Variants in CDK13 observed in about 807,000 individuals in gnomAD.
CDK13 encodes cyclin-dependent kinase 13.
Under a neutral mutation model 137.6 loss-of-function variants are expected in CDK13, and 40 were observed. The observed-to-expected ratio is 0.29, with a 90% CI of 0.23 to 0.38. The LOEUF is 0.38. CDK13 is among the 10% of genes least tolerant of loss of function. The probability of loss-of-function intolerance (pLI) is 1.00; values close to 1 mark genes in which losing one functional copy is unlikely to be tolerated. For synonymous variants in CDK13, 869 were observed against 760.1 expected, an observed-to-expected ratio of 1.14 and a Z score of -2.36; for missense variants, 1,704 against 1,951.8, an observed-to-expected ratio of 0.87 and a Z score of 2.39.
chr7:40,007,617 G>A (rs1207383314), intron 5 of CDK13, among the ~76,000 whole-genome samples: 8 of 151,968 alleles, frequency 5.3e-5, no homozygotes, highest in Admixed American at 1.3e-4. Context: ...TAGTAGAGAC[G>A]GGGTTTCACC....
rs1786586610 is a variant in CDK13, at chr7:40,078,106, G to A, written c.2882G>A (p.Arg961Lys). 6.3e-7 allele frequency: 1 copy of A among 1,574,898 alleles called. No homozygotes were observed. Among genetic ancestry groups the A allele is most frequent in the Non-Finnish European group, 8.6e-7 (1 of 1,157,674 alleles). Reference protein sequence around the residue: ...KPKKQYRRKLREEFVFIPAAA... With the variant: ...KPKKQYRRKLKEEFVFIPAAA... ...AAGAAGCAATATCGTCGAAAGTTAAGAGAAGAATTTGTTTTGTAAGAAGGG... is the reference window on the plus strand; with the variant it reads ...AAGAAGCAATATCGTCGAAAGTTAAAAGAAGAATTTGTTTTGTAAGAAGGG... The change falls in exon 10 of 14, where the codon AGA (arginine) becomes AAA (lysine). Residue 961 changes from arginine (R) to lysine (K), a missense_variant. Physicochemically the swap from Arg to Lys is conservative, Grantham distance 26 (BLOSUM62 2). This residue lies in a region of CDK13 where 130 missense variants were observed against 362.4 expected (regional missense o/e 0.36). Coordinates refer to ENST00000181839, the MANE Select transcript of CDK13 (RefSeq NM_003718.5).
intron 11 of CDK13, among the ~76,000 whole-genome samples, chr7:40,086,905 TG>T (rs1786799872): frequency 1.3e-5 from 2 of 150,218 alleles, no homozygotes; most frequent in Admixed American, 6.7e-5. Context: ...CTCTGCCTCC[TG>T]GGCTGAAGCC....
At chr7:39,980,129 AGGGTATG>A (rs1784194017) in intron 1 of CDK13, among the ~76,000 whole-genome samples, 1 of 152,228 alleles carries the variant, frequency 6.6e-6, no homozygotes, top group South Asian at 2.1e-4. Flanking sequence ...ACACATTCAG[AGGGTATG>A]GATATAAGGG....
At chr7:40,020,898 C>T (rs1475890248) in intron 5 of CDK13, among the ~76,000 whole-genome samples, 1 of 151,336 alleles carries the variant, frequency 6.6e-6, no homozygotes, top group Non-Finnish European at 1.5e-5. Context: ...GGAGACCATC[C>T]TGGCCAACAT....
chr7:39,964,780 T>C (rs1783830505), intron 1 of CDK13, among the ~76,000 whole-genome samples: 1 of 152,224 alleles, frequency 6.6e-6, no homozygotes, highest in South Asian at 2.1e-4. Context: ...AATTTCCCTC[T>C]ACACACTGCT....
rs368010559 is a variant in CDK13 at position 40,000,763 on chromosome 7, G to A, written c.2183-1098G>A. On this transcript the variant is annotated intron_variant, in intron 4 of 13. Coordinates refer to ENST00000181839, the MANE Select transcript of CDK13 (RefSeq NM_003718.5). ...AGAAGGCATTCCATAAAAATTAATA[G>A]AATAAGTTTAATGATTAAAAGAATA... Among the ~76,000 whole-genome samples the A allele has an allele frequency of 3.9e-4, 59 of 152,272 alleles. 1 individual carries two copies. The South Asian group carries it at 0.012, about 30-fold the overall frequency.
chr7:40,066,414 A>C (rs1407072420), intron 9 of CDK13, among the ~76,000 whole-genome samples: 1 of 152,214 alleles, frequency 6.6e-6, no homozygotes, highest in Non-Finnish European at 1.5e-5. Context: ...TAACATGGCA[A>C]GCTGAATGCT....
At position 39,995,487 on chromosome 7, in the gene CDK13, T is replaced by G. The variant is rs555431340; in HGVS notation, c.1872-2007T>G. Reference sequence around the variant, plus strand: ...TATTTCAGACCTGATTTAGCCACCCTTTAGCTACTTCATTACTCTAGGAAT... The same window carrying G: ...TATTTCAGACCTGATTTAGCCACCCGTTAGCTACTTCATTACTCTAGGAAT... On this transcript the variant is annotated intron_variant, in intron 2 of 13. Transcript: ENST00000181839. 3.9e-5 allele frequency among the ~76,000 whole-genome samples: 6 copies of G among 152,336 alleles called. No individual in the cohort carries two copies. The East Asian group carries it at 1.2e-3, about 29-fold the overall frequency.
rs1453966772 is a variant in CDK13, at chr7:40,092,837, A to G, written c.3288A>G (p.Leu1096=). 5 of 1,614,058 alleles carry G rather than the reference A, an allele frequency of 3.1e-6. No homozygotes were observed. The highest frequency in any genetic ancestry group is 1.7e-5 in the Admixed American group (1 of 59,986). Residue 1096 remains leucine, a synonymous_variant, in exon 13 of 14, where the codon CTA becomes CTG. Transcript: ENST00000181839. ...ACCACAGTGAATTGGCAATTCTACT[A>G]AACCTACTACAATCTAAAACAAGTG... The part of the protein sequence containing the change: ...HLNHSELAIL[L]NLLQSKTSVN...
At chr7:40,084,247 G>A (rs1156592590) in intron 11 of CDK13, among the ~76,000 whole-genome samples, 16 of 152,154 alleles carry the variant, frequency 1.1e-4, no homozygotes, top group East Asian at 3.9e-4. Context: ...TTGGGAGGCC[G>A]AGGTGGGCAG....
At chr7:39,969,017 G>T (rs939076592) in intron 1 of CDK13, among the ~76,000 whole-genome samples, 4 of 152,058 alleles carry the variant, frequency 2.6e-5, no homozygotes, top group Non-Finnish European at 5.9e-5. Context: ...TTGTTTGTTT[G>T]TTTGTTTGTT....
chr7:40,051,511 A>G (rs772150016), intron 7 of CDK13, among the ~76,000 whole-genome samples: 24 of 152,222 alleles, frequency 1.6e-4, no homozygotes, highest in Non-Finnish European at 3.1e-4. Context: ...AGAGCCAGGT[A>G]GGGCCTTACT....
At chr7:39,976,564 T>C (rs964206068) in intron 1 of CDK13, among the ~76,000 whole-genome samples, 2 of 151,954 alleles carry the variant, frequency 1.3e-5, no homozygotes, top group African/African-American at 4.8e-5. Context: ...TATACAGTCA[T>C]GTCCCCAGTT....
intron 5 of CDK13, among the ~76,000 whole-genome samples, chr7:40,009,071 C>G (rs1266134908): frequency 1.3e-5 from 2 of 152,054 alleles, no homozygotes; most frequent in African/African-American, 4.8e-5. Context: ...AAATATTTGT[C>G]ATATATTTGA....
At position 39,999,443 on chromosome 7, in the gene CDK13, G is replaced by A. The variant is rs1330686305; in HGVS notation, c.2125G>A (p.Gly709Arg). The A allele has an allele frequency of 1.2e-6, 2 of 1,612,728 alleles. No individual in the cohort carries two copies. Among genetic ancestry groups the A allele is most frequent in the Non-Finnish European group, 8.5e-7 (1 of 1,179,160 alleles). The change falls in exon 4 of 14, where the codon GGA becomes AGA. Residue 709 changes from glycine (G) to arginine (R), a missense_variant. By Grantham distance (125) the Gly-to-Arg change is moderately radical. This residue lies in a region of CDK13 where 130 missense variants were observed against 362.4 expected (regional missense o/e 0.36). Coordinates refer to ENST00000181839, the MANE Select transcript of CDK13 (RefSeq NM_003718.5). ...KRCVDKFDII[G>R]IIGEGTYGQV... Reference sequence around the variant, plus strand: ...CTGCGTGGATAAATTTGATATCATCGGAATTATTGGAGAAGGTACTTACGG... The same window carrying A: ...CTGCGTGGATAAATTTGATATCATCAGAATTATTGGAGAAGGTACTTACGG...
At chr7:40,030,780 A>C (rs988136844) in intron 5 of CDK13, among the ~76,000 whole-genome samples, 9 of 152,068 alleles carry the variant, frequency 5.9e-5, no homozygotes, top group African/African-American at 2.2e-4. Flanking sequence ...TACGTAGACT[A>C]TTCAGATTGG....
At chr7:39,992,641 A>C (rs1784487135) in intron 2 of CDK13, among the ~76,000 whole-genome samples, 1 of 151,672 alleles carries the variant, frequency 6.6e-6, no homozygotes, top group African/African-American at 2.4e-5. Flanking sequence ...AATATCATCC[A>C]CTATATATAA....
chr7:39,974,844 G>A (rs1439258692), intron 1 of CDK13, among the ~76,000 whole-genome samples: 1 of 152,126 alleles, frequency 6.6e-6, no homozygotes, highest in African/African-American at 2.4e-5. Flanking sequence ...GATTACAGGC[G>A]TGAGCCACAG....
chr7:40,079,791 T>C (rs1786627052), intron 11 of CDK13, among the ~76,000 whole-genome samples: 1 of 152,180 alleles, frequency 6.6e-6, no homozygotes, highest in Non-Finnish European at 1.5e-5. Context: ...GAAGCCTGTA[T>C]AGAAGGAATT....
Sources: gnomAD v4.1 joint callset for allele counts (sites outside exome capture counted in the v4.1 genomes callset) on GRCh38, gnomAD v4.1.1 for gene constraint, gnomAD v4.1.1 regional missense constraint, MANE v1.5 for transcripts, NCBI Gene and HGNC (gene_info 2026-07-23, HGNC 2026-07-21) for gene names.